Variants in RADIL observed in about 807,000 individuals in gnomAD.
RADIL encodes Rap associating with DIL domain, also known as ras-associating and dilute domain-containing protein.
RADIL carries 99 observed loss-of-function variants against 97.6 expected under a neutral mutation model. The ratio of observed to expected loss-of-function variants is 1.01; its 90% CI spans 0.86 to 1.20. The LOEUF (loss-of-function observed/expected upper bound fraction) is 1.20, where lower values mean the gene tolerates loss of function less well. Among genes scored for constraint, RADIL ranks in the 50% most tolerant of loss-of-function variants. The pLI is 0.00. For synonymous variants in RADIL, 803 were observed against 691.8 expected, an observed-to-expected ratio of 1.16 and a Z score of -2.52; for missense variants, 1,765 against 1,498.9, an observed-to-expected ratio of 1.18 and a Z score of -2.93.
Position 4,822,587 on chromosome 7 carries a change from G to A in RADIL, c.1455-33C>T. ...GACAGAAAGACTAAGAGTTACGCGG[G>A]GACCCGACCCTCAGGAGGCTGAATC... On this transcript the variant is annotated intron_variant, in intron 5 of 14. Coordinates refer to ENST00000399583, the MANE Select transcript of RADIL (RefSeq NM_018059.5). The surrounding 1 kb of genome is among the most constrained non-coding windows in gnomAD (Gnocchi z 5.3). The A allele has an allele frequency of 6.2e-7, 1 of 1,602,202 alleles. No individual in the cohort carries two copies. Among genetic ancestry groups the A allele is most frequent in the Non-Finnish European group, 8.5e-7 (1 of 1,175,352 alleles).
At position 4,817,189 on chromosome 7, in the gene RADIL, A is replaced by C; in HGVS notation, c.1728+50T>G. 6.5e-7 allele frequency: 1 copy of C among 1,528,128 alleles called. No homozygotes were observed. The highest frequency in any genetic ancestry group is 9.0e-7 in the Non-Finnish European group (1 of 1,113,210). The allele number at this position is 1,528,128 out of a possible 1,614,324, so 94.7% of individuals were successfully genotyped here. A position where few individuals can be genotyped will look rare whatever the true frequency, so the allele number is the denominator to read the frequency against. On this transcript the variant is annotated intron_variant, in intron 7 of 14. Transcript: ENST00000399583. The surrounding 1 kb of genome is among the most constrained non-coding windows in gnomAD (Gnocchi z 8.3). ...AGCCACAGGCACAAGCTTGAGCCCC[A>C]CTTGATCCCAGGAGCTGCCTGAGTG...
chr7:4,798,347 G>C lies in RADIL; in HGVS notation c.*1031C>G, dbSNP rs1781976662. 6.6e-6 allele frequency: 1 copy of C among 152,242 alleles called. No individual in the cohort carries two copies. The highest frequency in any genetic ancestry group is 2.1e-4 in the South Asian group (1 of 4,830). The allele number at this position is 152,242 out of a possible 1,614,324, so 9.4% of individuals were successfully genotyped here. ...GGACAGACCCAGGACACCGATCTGG[G>C]GACCCCGCACAGACCTCTGTCCCAG... On this transcript the variant is annotated 3_prime_UTR_variant, in exon 15 of 15. Transcript: ENST00000399583.
rs1782586209 is a variant in RADIL at position 4,813,052 on chromosome 7, A to C, written c.2139+2226T>G. 6.6e-6 allele frequency among the ~76,000 whole-genome samples: 1 copy of C among 150,548 alleles called. No homozygotes were observed. Among genetic ancestry groups the C allele is most frequent in the Admixed American group, 6.6e-5 (1 of 15,146 alleles). On this transcript the variant is annotated intron_variant, in intron 9 of 14. Transcript: ENST00000399583. The surrounding 1 kb of genome is among the most constrained non-coding windows in gnomAD (Gnocchi z 5.0). ...GTGAGGCTCAGACAGCCTCTGCTTC[A>C]TCCTTACCCCAAGGTTCTTCTTTCT...
Position 4,799,375 on chromosome 7 carries a change from C to G in RADIL, c.*3G>C, listed in dbSNP as rs747244878. ...GGCCTGTGGGGGTGTCCTCGCAGCC[C>G]CCCTAGAGAGGGGGCGTGCGGAAAT... On this transcript the variant is annotated 3_prime_UTR_variant, in exon 15 of 15. Coordinates refer to ENST00000399583, the MANE Select transcript of RADIL (RefSeq NM_018059.5). 65 of 1,613,516 alleles carry G rather than the reference C, an allele frequency of 4.0e-5. No individual in the cohort carries two copies. Among genetic ancestry groups the G allele is most frequent in the Non-Finnish European group, 4.8e-5 (57 of 1,179,906 alleles).
At position 4,872,320 on chromosome 7, in the gene RADIL, G is replaced by A. The variant is rs1472311884; in HGVS notation, c.535+5285C>T. Among the ~76,000 whole-genome samples, 1 of 152,212 alleles carries A rather than the reference G, an allele frequency of 6.6e-6. No homozygotes were observed. The highest frequency in any genetic ancestry group is 1.5e-5 in the Non-Finnish European group (1 of 68,032). On this transcript the variant is annotated intron_variant, in intron 2 of 14. Coordinates refer to ENST00000399583, the MANE Select transcript of RADIL (RefSeq NM_018059.5). This position sits in a 1 kb window ranked among gnomAD's most constrained non-coding sequence, Gnocchi z 5.8. ...TGCTCATCGCCCTGCAACCACGGAC[G>A]CCTCCCTCAGCAAAGATGCCCCAAC...
chr7:4,860,274 CTTCTGTTG>C (rs1168284336), intron 2 of RADIL: 34 of 1,613,854 alleles, frequency 2.1e-5, no homozygotes, highest in Non-Finnish European at 2.6e-5. Flanking sequence ...AATCTTCTAC[CTTCTGTTG>C]AGTGTGCTTT....
At chr7:4,861,337 G>C in intron 2 of RADIL, 2 of 1,614,008 alleles carry the variant, frequency 1.2e-6, no homozygotes, top group Non-Finnish European at 1.7e-6. Context: ...AACACAGTTT[G>C]ATAACTGGCA....
chr7:4,830,780 C>T (rs559166127), intron 5 of RADIL, among the ~76,000 whole-genome samples: 112 of 151,868 alleles, frequency 7.4e-4, no homozygotes, highest in African/African-American at 2.6e-3. Flanking sequence ...TTTGGGAGGC[C>T]GAGGCGGGTG....
chr7:4,867,552 G>A lies in RADIL; in HGVS notation c.535+10053C>T, dbSNP rs1214473999. Among the ~76,000 whole-genome samples, 3 of 152,182 alleles carry A rather than the reference G, an allele frequency of 2.0e-5. No homozygotes were observed. In the East Asian group the frequency reaches 5.8e-4, roughly 29 times the overall value. On this transcript the variant is annotated intron_variant, in intron 2 of 14. Coordinates refer to ENST00000399583, the MANE Select transcript of RADIL (RefSeq NM_018059.5). This position sits in a 1 kb window ranked among gnomAD's most constrained non-coding sequence, Gnocchi z 4.1. The stretch of plus-strand genomic sequence containing the variant: ...TCCCAGCACTTTGGGAGGCTGAGGT[G>A]GGAGGATCACTTGAGCCCAGGAGTT...
Position 4,867,227 on chromosome 7 carries a change from T to C in RADIL, c.535+10378A>G, listed in dbSNP as rs2115040883. On this transcript the variant is annotated intron_variant, in intron 2 of 14. Coordinates refer to ENST00000399583, the MANE Select transcript of RADIL (RefSeq NM_018059.5). This position sits in a 1 kb window ranked among gnomAD's most constrained non-coding sequence, Gnocchi z 4.1. ...AGGCACACGAGGCTTCTGAGGAAGC[T>C]GCTGTCCAGCCATGCTCACCAGGAA... Among the ~76,000 whole-genome samples the C allele has an allele frequency of 6.6e-6, 1 of 152,304 alleles. No homozygotes were observed. Among genetic ancestry groups the C allele is most frequent in the East Asian group, 1.9e-4 (1 of 5,178 alleles).
chr7:4,848,216 C>CAAA (rs34341810), intron 2 of RADIL, among the ~76,000 whole-genome samples: 4 of 129,216 alleles, frequency 3.1e-5, no homozygotes, highest in South Asian at 2.5e-4. Flanking sequence ...GACCCCGTCT[C>CAAA]AAAAAAAAAA....
intron 2 of RADIL, among the ~76,000 whole-genome samples, chr7:4,856,406 G>A (rs970170995): frequency 1.3e-5 from 2 of 152,138 alleles, no homozygotes; most frequent in Non-Finnish European, 2.9e-5. Flanking sequence ...TACCGCACCC[G>A]GCCTGTTGAT....
intron 10 of RADIL, chr7:4,804,117 G>A (rs971067665): frequency 1.8e-5 from 6 of 338,204 alleles, no homozygotes; most frequent in South Asian, 8.0e-5. Context: ...AGAGCTGGAC[G>A]CAAGCTCCTC....
chr7:4,847,007 C>T (rs890282818), intron 2 of RADIL, among the ~76,000 whole-genome samples: 2 of 151,786 alleles, frequency 1.3e-5, no homozygotes, highest in Non-Finnish European at 2.9e-5. Context: ...ACTTCACACC[C>T]ACTACCATGG....
At chr7:4,871,243 T>C (rs1267615693) in intron 2 of RADIL, among the ~76,000 whole-genome samples, 1 of 152,198 alleles carries the variant, frequency 6.6e-6, no homozygotes, top group Admixed American at 6.5e-5. Context: ...AAAGCAATCC[T>C]TTCACCTCCA....
chr7:4,801,656 C>G lies in RADIL; in HGVS notation c.2839G>C (p.Glu947Gln). 1 of 1,595,316 alleles carries G rather than the reference C, an allele frequency of 6.3e-7. No homozygotes were observed. Among genetic ancestry groups the G allele is most frequent in the South Asian group, 1.1e-5 (1 of 88,556 alleles). ...CTGAGCACCAGGCAGGGCTCACCTTCCGGAGCTGCACCCCGGAGGCCGCTG... is the reference window on the plus strand; with the variant it reads ...CTGAGCACCAGGCAGGGCTCACCTTGCGGAGCTGCACCCCGGAGGCCGCTG... ...GLSGLRGAAP[E>Q]GDSAALAEES... is the part of the protein sequence containing the mutation. Residue 947 changes from glutamate to glutamine, a missense_variant, in exon 12 of 15, where the codon GAA becomes CAA. By Grantham distance (29) the Glu-to-Gln change is conservative. Coordinates refer to ENST00000399583, the MANE Select transcript of RADIL (RefSeq NM_018059.5).
At position 4,822,896 on chromosome 7, in the gene RADIL, T is replaced by C. The variant is rs1782874472; in HGVS notation, c.1455-342A>G. Among the ~76,000 whole-genome samples, 1 of 152,030 alleles carries C rather than the reference T, an allele frequency of 6.6e-6. No homozygotes were observed. The highest frequency in any genetic ancestry group is 2.1e-4 in the South Asian group (1 of 4,812). ...TGCTGAGAGAATGTGTGCCAATATG[T>C]GTGTGTGTGCGTGTATGCGTGCATG... On this transcript the variant is annotated intron_variant, in intron 5 of 14. Transcript: ENST00000399583. The surrounding 1 kb of genome is among the most constrained non-coding windows in gnomAD (Gnocchi z 5.3).
At chr7:4,863,942 C>T (rs141905030) in intron 2 of RADIL, among the ~76,000 whole-genome samples, 2 of 152,310 alleles carry the variant, frequency 1.3e-5, no homozygotes, top group East Asian at 3.9e-4. Context: ...TTCAAGGTAT[C>T]CCTTTTTCTT....
intron 9 of RADIL, among the ~76,000 whole-genome samples, chr7:4,808,373 T>C (rs916559771): frequency 2.0e-5 from 3 of 152,096 alleles, no homozygotes; most frequent in African/African-American, 7.2e-5. Context: ...TTATGGATAC[T>C]ATATCTTCTC....
Sources: gnomAD v4.1 joint callset for allele counts (sites outside exome capture counted in the v4.1 genomes callset) on GRCh38, gnomAD v4.1.1 for gene constraint, Gnocchi (gnomAD v3.1) non-coding constraint, MANE v1.5 for transcripts, NCBI Gene and HGNC (gene_info 2026-07-23, HGNC 2026-07-21) for gene names.